Variants in OPCML observed in about 807,000 individuals in gnomAD.
OPCML encodes opioid binding protein/cell adhesion molecule like.
A neutral mutation model predicts 37.8 loss-of-function variants in OPCML; 13 were observed. The ratio of observed to expected loss-of-function variants is 0.34; its 90% confidence interval spans 0.22 to 0.55. The LOEUF (loss-of-function observed/expected upper bound fraction) is 0.55, where lower values mean the gene tolerates loss of function less well. OPCML is among the 20% of genes least tolerant of loss of function. The pLI is 0.91. For missense variants in OPCML, 341 were observed against 435.6 expected (o/e 0.78, Z 1.93); for synonymous variants, 176 against 168.8 (o/e 1.04, Z -0.33).
chr11:132,617,081 A>G (rs1939078535), intron 3 of OPCML, among the ~76,000 whole-genome samples: 1 of 152,228 alleles, frequency 6.6e-6, no homozygotes, highest in Non-Finnish European at 1.5e-5. Context: ...TCAATGGCTG[A>G]AGTAGTCTAG....
chr11:133,382,628 A>G (rs186407369), intron 1 of OPCML, among the ~76,000 whole-genome samples: 1 of 152,306 alleles, frequency 6.6e-6, no homozygotes, highest in East Asian at 1.9e-4. Flanking sequence ...GCTGACTAAT[A>G]AAACACACAC....
intron 4 of OPCML, among the ~76,000 whole-genome samples, chr11:132,507,087 G>A (rs931805381): frequency 6.8e-6 from 1 of 148,046 alleles, no homozygotes; most frequent in Non-Finnish European, 1.5e-5. Context: ...AAGGTTAACT[G>A]TAAGCCTAAA....
chr11:132,920,515 C>T (rs989819190), intron 2 of OPCML, among the ~76,000 whole-genome samples: 2 of 152,122 alleles, frequency 1.3e-5, no homozygotes, highest in Admixed American at 1.3e-4. Context: ...GGATCGCAGC[C>T]CCCCTGGAGA....
chr11:133,385,663 T>C (rs1334990069), intron 1 of OPCML, among the ~76,000 whole-genome samples: 2 of 151,896 alleles, frequency 1.3e-5, no homozygotes, highest in African/African-American at 4.8e-5. Flanking sequence ...AAGCTGAAAC[T>C]TCGATGATTA....
intron 1 of OPCML, among the ~76,000 whole-genome samples, chr11:133,021,551 C>T (rs1485444808): frequency 6.6e-6 from 1 of 152,072 alleles, no homozygotes; most frequent in East Asian, 1.9e-4. Flanking sequence ...ATCAAGTGGG[C>T]AGGGAGTACA....
intron 1 of OPCML, among the ~76,000 whole-genome samples, chr11:132,957,424 A>G (rs1945996487): frequency 6.6e-6 from 1 of 152,188 alleles, no homozygotes; most frequent in South Asian, 2.1e-4. Context: ...GGGAAACACA[A>G]CCAAGGGGAG....
At chr11:133,028,233 AC>A (rs1484778180) in intron 1 of OPCML, among the ~76,000 whole-genome samples, 2 of 152,026 alleles carry the variant, frequency 1.3e-5, no homozygotes, top group Admixed American at 6.6e-5. Context: ...TAAAAGGCAC[AC>A]ATGTCTTAAA....
chr11:132,842,398 CAG>C (rs1427488473), intron 2 of OPCML, among the ~76,000 whole-genome samples: 1 of 152,204 alleles, frequency 6.6e-6, no homozygotes, highest in Non-Finnish European at 1.5e-5. Flanking sequence ...GCTCTGGCCA[CAG>C]CCTCCCCTCT....
chr11:133,354,924 T>C (rs891841143), intron 1 of OPCML, among the ~76,000 whole-genome samples: 1 of 152,188 alleles, frequency 6.6e-6, no homozygotes, highest in Non-Finnish European at 1.5e-5. Context: ...GTACATAAAC[T>C]TTTAGGCATC....
rs59570917 is a variant in OPCML, at chr11:132,888,871, GAA to G, written c.146+54053_146+54054del. Among the ~76,000 whole-genome samples, 4 of 142,320 alleles carry G rather than the reference GAA, an allele frequency of 2.8e-5. No individual in the cohort carries two copies. The South Asian group carries it at 8.9e-4, about 32-fold the overall frequency. 93.4% of individuals were successfully genotyped at this position (142,320 alleles called of 152,430 possible). On this transcript the variant is annotated intron_variant, in intron 2 of 7. Transcript: ENST00000524381. ...CAAATTTTACAACAAAAAAAAAAAA[GAA>G]AAAAAAAATCTGTTCCCTTTACAAG...
At chr11:133,148,255 G>C (rs550926051) in intron 1 of OPCML, among the ~76,000 whole-genome samples, 4 of 152,276 alleles carry the variant, frequency 2.6e-5, no homozygotes, top group African/African-American at 9.6e-5. Context: ...GTGAGGTGAG[G>C]CTTGCCCACT....
chr11:133,049,084 G>A (rs1479200988), intron 1 of OPCML, among the ~76,000 whole-genome samples: 1 of 152,180 alleles, frequency 6.6e-6, no homozygotes, highest in Admixed American at 6.5e-5. Flanking sequence ...GCAGGAAATG[G>A]CACAAATATC....
chr11:132,980,018 T>C (rs1336234574), intron 1 of OPCML, among the ~76,000 whole-genome samples: 1 of 152,222 alleles, frequency 6.6e-6, no homozygotes, highest in Non-Finnish European at 1.5e-5. Flanking sequence ...GAGAGGTTAT[T>C]GCCCTTAAGG....
At chr11:132,467,698 C>G (rs547808240) in intron 4 of OPCML, among the ~76,000 whole-genome samples, 30 of 152,262 alleles carry the variant, frequency 2.0e-4, no homozygotes, top group African/African-American at 6.7e-4. Context: ...CTCCCCAAGG[C>G]AGCACTGTGA....
chr11:133,275,971 C>T (rs1357531580), intron 1 of OPCML, among the ~76,000 whole-genome samples: 2 of 152,108 alleles, frequency 1.3e-5, no homozygotes, highest in Non-Finnish European at 2.9e-5. Context: ...TCCACATCCC[C>T]ACTAAGGGTA....
intron 3 of OPCML, among the ~76,000 whole-genome samples, chr11:132,547,065 A>T (rs1372496710): frequency 6.6e-6 from 1 of 152,234 alleles, no homozygotes; most frequent in Non-Finnish European, 1.5e-5. Flanking sequence ...CACTTTAAAA[A>T]TATGTCACCA....
chr11:133,198,091 CTAGAA>C (rs1281619370), intron 1 of OPCML, among the ~76,000 whole-genome samples: 1 of 152,134 alleles, frequency 6.6e-6, no homozygotes, highest in African/African-American at 2.4e-5. Flanking sequence ...TTCAACCTTC[CTAGAA>C]TAAACAAAAA....
intron 2 of OPCML, among the ~76,000 whole-genome samples, chr11:132,814,305 G>T (rs1452556682): frequency 2.0e-5 from 3 of 152,128 alleles, no homozygotes; most frequent in Non-Finnish European, 4.4e-5. Context: ...TGAGAAATTG[G>T]CTCATACGGT....
At chr11:132,996,275 G>C (rs1474695625) in intron 1 of OPCML, among the ~76,000 whole-genome samples, 1 of 152,110 alleles carries the variant, frequency 6.6e-6, no homozygotes, top group East Asian at 1.9e-4. Context: ...GTTTGGTTCT[G>C]ATACAGGATT....
Sources: allele counts gnomAD v4.1 joint callset (sites outside exome capture counted in the v4.1 genomes callset), GRCh38; gene constraint gnomAD v4.1.1; transcripts MANE v1.5; gene names NCBI Gene and HGNC (gene_info 2026-07-23, HGNC 2026-07-21).